COL5A2: variants seen among roughly 807,000 people sequenced by gnomAD.
The protein encoded by COL5A2 is collagen alpha-2(V) chain.
Under a neutral mutation model 208.2 loss-of-function variants are expected in COL5A2, and 23 were observed. The ratio of observed to expected loss-of-function variants is 0.11; its 90% CI spans 0.08 to 0.16. COL5A2 has a LOEUF of 0.16. Among genes scored for constraint, COL5A2 ranks in the 10% least tolerant of loss-of-function variants. The pLI, the probability that COL5A2 is intolerant of heterozygous loss-of-function variation, is 1.00. For missense variants in COL5A2, 1,590 were observed against 1,956.4 expected (o/e 0.81, Z 3.53); for synonymous variants, 625 against 628.5 (o/e 0.99, Z 0.08).
chr2:189,246,022 C>T, the COL5A2 span, among the ~76,000 whole-genome samples: 12 of 152,080 alleles, frequency 7.9e-5, no homozygotes, highest in African/African-American at 2.7e-4. Flanking sequence ...TTGACATTGT[C>T]AATTTTACTT....
chr2:189,347,094 A>T, the COL5A2 span, among the ~76,000 whole-genome samples: 2 of 152,342 alleles, frequency 1.3e-5, 1 homozygote, highest in South Asian at 4.1e-4. Context: ...TGCCAAGGGA[A>T]TCAGAGGTAT....
At chr2:189,174,451 AAGTAAAAT>A (rs1371372625) in intron 1 of COL5A2, among the ~76,000 whole-genome samples, 3 of 152,236 alleles carry the variant, frequency 2.0e-5, no homozygotes, top group Non-Finnish European at 4.4e-5. Context: ...GCAGCCTTAT[AAGTAAAAT>A]GAATAACTAG....
chr2:189,406,659 C>A, the COL5A2 span, among the ~76,000 whole-genome samples: 60 of 152,238 alleles, frequency 3.9e-4, 1 homozygote, highest in African/African-American at 1.3e-3. Context: ...AGGAAAATTA[C>A]TTGAAAATTG....
In COL5A2 at chr2:189,051,339, G is replaced by A; in HGVS notation, c.2912C>T (p.Pro971Leu). Residue 971 changes from proline (P) to leucine (L), a missense_variant, in exon 42 of 54, where the codon CCA becomes CTA. Pro to Leu is a moderately conservative substitution (Grantham distance 98, BLOSUM62 -3). Transcript: ENST00000374866. ...ACTTACAGGTTGCCCATCTTCTCCT[G>A]GGTCCCCTTTGTCTCCTGGGCCACC... ...PPGGPGDKGD[P>L]GEDGQPGPDG... 6.2e-7 allele frequency: 1 copy of A among 1,613,952 alleles called. No individual in the cohort carries two copies. The highest frequency in any genetic ancestry group is 8.5e-7 in the Non-Finnish European group (1 of 1,179,950).
the COL5A2 span, among the ~76,000 whole-genome samples, chr2:189,352,943 TC>T: frequency 6.6e-6 from 1 of 152,240 alleles, no homozygotes; most frequent in Non-Finnish European, 1.5e-5. Flanking sequence ...AAGTCTTTAA[TC>T]CATCTTGAGT....
chr2:189,145,370 C>A (rs1169127131), intron 1 of COL5A2, among the ~76,000 whole-genome samples: 8 of 152,058 alleles, frequency 5.3e-5, no homozygotes, highest in Non-Finnish European at 7.4e-5. Context: ...CACTGAATTT[C>A]CTATTTAAAT....
chr2:189,389,188 C>T, the COL5A2 span, among the ~76,000 whole-genome samples: 1 of 152,122 alleles, frequency 6.6e-6, no homozygotes, highest in Non-Finnish European at 1.5e-5. Context: ...AAGCCCTTCG[C>T]TGTAGCTAAT....
At chr2:189,060,549 G>A (rs1686007179) in intron 31 of COL5A2, among the ~76,000 whole-genome samples, 181 bp downstream of exon 31, 1 of 152,144 alleles carries the variant, frequency 6.6e-6, no homozygotes, top group African/African-American at 2.4e-5. Context: ...TCTAACATCT[G>A]TATGCCCCAT....
chr2:189,323,101 C>T, the COL5A2 span, among the ~76,000 whole-genome samples: 3 of 152,078 alleles, frequency 2.0e-5, no homozygotes, highest in African/African-American at 7.2e-5. Context: ...GCAGAAAAGG[C>T]CTTCGAAAAA....
chr2:189,073,412 C>T (rs900452457), intron 17 of COL5A2, among the ~76,000 whole-genome samples: 4 of 151,990 alleles, frequency 2.6e-5, no homozygotes, highest in African/African-American at 7.3e-5. Context: ...TACAAAACAC[C>T]ACTTCTTGGT....
At chr2:189,413,976 G>A in the COL5A2 span, among the ~76,000 whole-genome samples, 1 of 151,938 alleles carries the variant, frequency 6.6e-6, no homozygotes, top group Non-Finnish European at 1.5e-5. Flanking sequence ...ATTTTTAGTA[G>A]AGACGGGGTT....
chr2:189,420,798 G>A, the COL5A2 span, among the ~76,000 whole-genome samples: 3 of 152,062 alleles, frequency 2.0e-5, no homozygotes, highest in East Asian at 5.8e-4. Context: ...ACTTTTTACA[G>A]TCTGTTTCCA....
At chr2:189,203,929 G>T (rs536184832) in intron 1 of COL5A2, among the ~76,000 whole-genome samples, 1 of 149,394 alleles carries the variant, frequency 6.7e-6, no homozygotes, top group East Asian at 2.0e-4. Context: ...ACGGAGTCTC[G>T]CTCTGTCGCC....
chr2:189,169,561 ATAG>A (rs1688532650), intron 1 of COL5A2, among the ~76,000 whole-genome samples: 1 of 152,234 alleles, frequency 6.6e-6, no homozygotes, highest in South Asian at 2.1e-4. Flanking sequence ...CAAAATGATC[ATAG>A]TAGAATAAAA....
intron 1 of COL5A2, among the ~76,000 whole-genome samples, chr2:189,132,363 G>A (rs1687732790): frequency 6.6e-6 from 1 of 152,200 alleles, no homozygotes. Context: ...TTTAATTTCT[G>A]TTAAAACAGA....
chr2:189,210,725 A>G (rs1689202075), intron 1 of COL5A2, among the ~76,000 whole-genome samples: 1 of 152,244 alleles, frequency 6.6e-6, no homozygotes, highest in Admixed American at 6.5e-5. Flanking sequence ...TGTCAGCTAT[A>G]TTTAAGCATC....
chr2:189,430,550 C>G, the COL5A2 span, among the ~76,000 whole-genome samples: 147 of 152,348 alleles, frequency 9.6e-4, 2 homozygotes, highest in African/African-American at 3.2e-3. Flanking sequence ...TCTCCTGTGC[C>G]TGGCTCCGCA....
chr2:189,302,682 C>G, the COL5A2 span, among the ~76,000 whole-genome samples: 6 of 152,034 alleles, frequency 3.9e-5, no homozygotes, highest in Admixed American at 3.3e-4. Flanking sequence ...TTAAATTGCC[C>G]ACTGTTCTGA....
At chr2:189,086,691 T>C in intron 9 of COL5A2, 35 bp downstream of exon 9, 1 of 1,521,206 alleles carries the variant, frequency 6.6e-7, no homozygotes, top group Non-Finnish European at 9.0e-7. Flanking sequence ...TGTATGTTTT[T>C]CTTACAGCAT....
Sources: allele counts gnomAD v4.1 joint callset (sites outside exome capture counted in the v4.1 genomes callset), GRCh38; gene constraint gnomAD v4.1.1; transcripts MANE v1.5; gene names NCBI Gene and HGNC (gene_info 2026-07-23, HGNC 2026-07-21).